Variants in SLC9A2 observed in about 807,000 individuals in gnomAD.
The protein encoded by SLC9A2 is sodium/hydrogen exchanger 2.
Under a neutral mutation model 71.7 loss-of-function variants are expected in SLC9A2, and 42 were observed. The observed-to-expected ratio is 0.59, with a 90% CI of 0.46 to 0.76. The LOEUF (loss-of-function observed/expected upper bound fraction) is 0.76, where lower values mean the gene tolerates loss of function less well. SLC9A2 is among the 30% of genes least tolerant of loss of function. The pLI, the probability that SLC9A2 is intolerant of heterozygous loss-of-function variation, is 0.00. For missense variants in SLC9A2, 829 were observed against 1,017.4 expected (o/e 0.81, Z 2.52); for synonymous variants, 396 against 392.5 (o/e 1.01, Z -0.10).
In SLC9A2 at chr2:102,708,382, G is replaced by A; in HGVS notation, c.2332G>A (p.Glu778Lys). ...LSKDQSGSEREDSLTEGIPPK... is the reference protein window; with the variant it reads ...LSKDQSGSERKDSLTEGIPPK... ...TAAAGACCAGTCTGGCTCAGAGAGG[G>A]AAGACAGTTTGACTGAAGGCATCCC... The change falls in exon 12 of 12, where the codon GAA (glutamate) becomes AAA (lysine). Residue 778 changes from glutamate (E) to lysine (K), a missense_variant. This residue lies in a region of SLC9A2 where 223 missense variants were observed against 197.5 expected (regional missense o/e 1.13). Transcript: ENST00000233969. 6.2e-7 allele frequency: 1 copy of A among 1,614,230 alleles called. No individual in the cohort carries two copies. The highest frequency in any genetic ancestry group is 1.7e-5 in the Admixed American group (1 of 60,026).
At chr2:102,682,720 T>A (rs917645636) in intron 3 of SLC9A2, among the ~76,000 whole-genome samples, 1 of 152,106 alleles carries the variant, frequency 6.6e-6, no homozygotes, top group Non-Finnish European at 1.5e-5. Flanking sequence ...AGTGAGTGGG[T>A]CTAAGAGATA....
At chr2:102,706,041 C>CACAGGAA (rs1431023408) in intron 11 of SLC9A2, 105 bp downstream of exon 11, 1,698 of 39,404 alleles carry the variant, frequency 0.043, 446 homozygotes, top group Admixed American at 0.039. Flanking sequence ...GAGTTCCGGC[C>CACAGGAA]GGGCGCGGTG....
rs1475836053 is a variant in SLC9A2, at chr2:102,680,725, C to T, written c.1005-2536C>T. On this transcript the variant is annotated intron_variant, in intron 3 of 11. Coordinates refer to ENST00000233969, the MANE Select transcript of SLC9A2 (RefSeq NM_003048.6). ...CTGGAACCTGCTAATATGTTACCTT[C>T]TATGGCCAAAGAGACTTTGTGGATG... Among the ~76,000 whole-genome samples the T allele has an allele frequency of 5.3e-5, 8 of 152,204 alleles. No individual in the cohort carries two copies. In the East Asian group the frequency reaches 1.5e-3, roughly 29 times the overall value.
chr2:102,701,169 A>G lies in SLC9A2; in HGVS notation c.1686A>G (p.Lys562=). ...IVSLYKKLEI[K]HAIEMAETGM... is the part of the protein sequence containing the mutation. The stretch of plus-strand genomic sequence containing the variant: ...CTTTATATAAAAAGCTTGAAATAAA[A>G]CATGCCATTGAGATGGCAGAGACTG... Residue 562 remains lysine, a synonymous_variant, in exon 8 of 12, where the codon AAA becomes AAG. Coordinates refer to ENST00000233969, the MANE Select transcript of SLC9A2 (RefSeq NM_003048.6). 1.2e-6 allele frequency: 2 copies of G among 1,611,576 alleles called. No homozygotes were observed. Among genetic ancestry groups the G allele is most frequent in the Non-Finnish European group, 1.7e-6 (2 of 1,178,768 alleles).
At position 102,670,911 on chromosome 2, in the gene SLC9A2, G is replaced by A. The variant is rs75507463; in HGVS notation, c.1004+5561G>A. ...TTTTGGTTTACCCACACTTTGTAGCGTTTAGGAGAACATCTCTTCAACATC... is the reference window on the plus strand; with the variant it reads ...TTTTGGTTTACCCACACTTTGTAGCATTTAGGAGAACATCTCTTCAACATC... On this transcript the variant is annotated intron_variant, in intron 3 of 11. Coordinates refer to ENST00000233969, the MANE Select transcript of SLC9A2 (RefSeq NM_003048.6). 8.2e-5 allele frequency among the ~76,000 whole-genome samples: 11 copies of A among 134,840 alleles called. No individual in the cohort carries two copies. The East Asian group carries it at 1.1e-3, about 13-fold the overall frequency. 88.5% of individuals were successfully genotyped at this position (134,840 alleles called of 152,430 possible).
intron 1 of SLC9A2, among the ~76,000 whole-genome samples, chr2:102,634,955 C>T (rs1020086871): frequency 8.5e-5 from 13 of 152,106 alleles, no homozygotes; most frequent in African/African-American, 2.9e-4. Flanking sequence ...TGGGTCTCCT[C>T]TGTGTTATCA....
intron 11 of SLC9A2, among the ~76,000 whole-genome samples, chr2:102,707,216 T>C (rs1184983578): frequency 6.6e-6 from 1 of 151,894 alleles, no homozygotes; most frequent in Non-Finnish European, 1.5e-5. Context: ...AATATACCCA[T>C]GTAACAAATC....
intron 1 of SLC9A2, among the ~76,000 whole-genome samples, chr2:102,656,931 G>A (rs1314610996): frequency 6.6e-6 from 1 of 152,182 alleles, no homozygotes; most frequent in African/African-American, 2.4e-5. Context: ...TGCACCGGGT[G>A]CAGTTACTCA....
rs368926148 is a variant in SLC9A2 at position 102,706,727 on chromosome 2, G to C, written c.2068+791G>C. Among the ~76,000 whole-genome samples, 5 of 152,198 alleles carry C rather than the reference G, an allele frequency of 3.3e-5. 1 individual carries two copies. Among genetic ancestry groups the C allele is most frequent in the African/African-American group, 1.2e-4 (5 of 41,536 alleles). Reference sequence around the variant, plus strand: ...TTTTCCAGCAAATATTGTCATCATGGGGCCCAAGGGCAGGTAAACAAAAAG... The same window carrying C: ...TTTTCCAGCAAATATTGTCATCATGCGGCCCAAGGGCAGGTAAACAAAAAG... On this transcript the variant is annotated intron_variant, in intron 11 of 11. Transcript: ENST00000233969.
At chr2:102,680,622 TTAGGGGA>T (rs1677434799) in intron 3 of SLC9A2, among the ~76,000 whole-genome samples, 1 of 151,970 alleles carries the variant, frequency 6.6e-6, no homozygotes, top group Non-Finnish European at 1.5e-5. Flanking sequence ...AGGATACAGT[TTAGGGGA>T]GGAGAATGCA....
chr2:102,619,855 C>A lies in SLC9A2; in HGVS notation c.7C>A (p.Pro3Thr). The change falls in exon 1 of 12, where the codon CCA (proline) becomes ACA (threonine). Residue 3 changes from proline (P) to threonine (T), a missense_variant. Around this residue, in one of 3 missense-constraint regions of SLC9A2, gnomAD observed 106 missense variants for 93.5 expected, o/e 1.13. Coordinates refer to ENST00000233969, the MANE Select transcript of SLC9A2 (RefSeq NM_003048.6). The surrounding 1 kb of genome is among the most constrained non-coding windows in gnomAD (Gnocchi z 4.3). ...GCGGCAACCGGCGGCACCCATGGAA[C>A]CACTGGGCAACTGGAGGAGCCTGCG... Reference protein sequence around the residue: MEPLGNWRSLRAP... With the variant: METLGNWRSLRAP... 1 of 1,524,310 alleles carries A rather than the reference C, an allele frequency of 6.6e-7. No individual in the cohort carries two copies. Among genetic ancestry groups the A allele is most frequent in the South Asian group, 1.3e-5 (1 of 79,284 alleles). 94.4% of individuals were successfully genotyped at this position (1,524,310 alleles called of 1,614,324 possible).
At chr2:102,704,736 TC>T in intron 10 of SLC9A2, 61 bp downstream of exon 10, 2 of 1,547,354 alleles carry the variant, frequency 1.3e-6, no homozygotes, top group Non-Finnish European at 1.8e-6. Flanking sequence ...ATTCCATTGA[TC>T]AGCTGATGGT....
intron 5 of SLC9A2, among the ~76,000 whole-genome samples, chr2:102,688,150 T>C (rs1367220768): frequency 6.6e-6 from 1 of 152,182 alleles, no homozygotes; most frequent in African/African-American, 2.4e-5. Context: ...CCAATATGAT[T>C]GGTAATGTTA....
chr2:102,664,278 A>G (rs1350523209), intron 2 of SLC9A2, among the ~76,000 whole-genome samples: 1 of 152,024 alleles, frequency 6.6e-6, no homozygotes, highest in Non-Finnish European at 1.5e-5. Context: ...AGACTCAAAA[A>G]AAAAAAAAAA....
chr2:102,687,677 T>C (rs575758024), intron 5 of SLC9A2, among the ~76,000 whole-genome samples: 1 of 152,362 alleles, frequency 6.6e-6, no homozygotes, highest in Non-Finnish European at 1.5e-5. Context: ...TCATAGTTTA[T>C]CATGAGAATT....
chr2:102,703,784 C>A (rs1404487391), intron 9 of SLC9A2, among the ~76,000 whole-genome samples: 1 of 152,136 alleles, frequency 6.6e-6, no homozygotes, highest in African/African-American at 2.4e-5. Flanking sequence ...TTCTATATAG[C>A]CTATAAAACT....
chr2:102,674,074 C>A (rs765573380), intron 3 of SLC9A2, among the ~76,000 whole-genome samples: 3 of 152,156 alleles, frequency 2.0e-5, no homozygotes, highest in Admixed American at 1.3e-4. Flanking sequence ...CAGGCATGAG[C>A]CACCACACCT....
intron 7 of SLC9A2, among the ~76,000 whole-genome samples, chr2:102,697,013 C>T (rs1381585750): frequency 6.6e-6 from 1 of 152,152 alleles, no homozygotes; most frequent in Non-Finnish European, 1.5e-5. Context: ...CTCTTCTCCA[C>T]TGTTTTCATA....
chr2:102,659,140 C>T (rs114562208), intron 2 of SLC9A2, among the ~76,000 whole-genome samples: 1,584 of 152,072 alleles, frequency 0.01, 6 homozygotes, highest in African/African-American at 0.018. Flanking sequence ...CATAGTAGGC[C>T]GGGTGCAGAG....
Sources: gnomAD v4.1 joint callset for allele counts (sites outside exome capture counted in the v4.1 genomes callset) on GRCh38, gnomAD v4.1.1 for gene constraint, gnomAD v4.1.1 regional missense constraint, Gnocchi (gnomAD v3.1) non-coding constraint, MANE v1.5 for transcripts, NCBI Gene and HGNC (gene_info 2026-07-23, HGNC 2026-07-21) for gene names.